Variants in SLC9A2 observed in about 807,000 individuals in gnomAD.
SLC9A2 encodes solute carrier family 9 member A2.
A neutral mutation model predicts 71.7 loss-of-function variants in SLC9A2; 42 were observed. That is an observed-to-expected ratio of 0.59 (90% CI 0.46 to 0.76). The LOEUF is 0.76. Ranked by LOEUF, SLC9A2 falls within the 30% of genes least tolerant of loss-of-function variation. The pLI is 0.00. For synonymous variants in SLC9A2, 396 were observed against 392.5 expected (o/e 1.01, Z -0.10); for missense variants, 829 against 1,017.4 (o/e 0.81, Z 2.52).
At chr2:102,625,326 T>A (rs558605489) in intron 1 of SLC9A2, among the ~76,000 whole-genome samples, 15 of 152,214 alleles carry the variant, frequency 9.9e-5, no homozygotes, top group Non-Finnish European at 1.9e-4. Flanking sequence ...ATTTTTTAAA[T>A]TTTTTAAAAT....
At chr2:102,704,292 C>T (rs1677929047) in intron 9 of SLC9A2, among the ~76,000 whole-genome samples, 1 of 151,926 alleles carries the variant, frequency 6.6e-6, no homozygotes, top group Non-Finnish European at 1.5e-5. Context: ...GCCTGAGTGA[C>T]AGATCAAGAC....
intron 5 of SLC9A2, among the ~76,000 whole-genome samples, chr2:102,692,514 G>A (rs754090923): frequency 2.0e-5 from 3 of 152,116 alleles, no homozygotes; most frequent in Non-Finnish European, 4.4e-5. Flanking sequence ...CTGCAGGCCA[G>A]GAAGTAGTGG....
intron 5 of SLC9A2, among the ~76,000 whole-genome samples, chr2:102,691,726 A>G (rs1677666899): frequency 6.6e-6 from 1 of 152,256 alleles, no homozygotes; most frequent in South Asian, 2.1e-4. Context: ...TTATGCTTTC[A>G]AAAACTTGAG....
At chr2:102,664,027 G>T (rs907871266) in intron 2 of SLC9A2, among the ~76,000 whole-genome samples, 3 of 152,218 alleles carry the variant, frequency 2.0e-5, no homozygotes, top group Admixed American at 2.0e-4. Flanking sequence ...TGTAATCCTA[G>T]CATTTTGGGA....
At chr2:102,627,611 T>C (rs1281278834) in intron 1 of SLC9A2, among the ~76,000 whole-genome samples, 2 of 152,174 alleles carry the variant, frequency 1.3e-5, no homozygotes, top group Non-Finnish European at 2.9e-5. Flanking sequence ...AATATTGTTA[T>C]GTTTTTCTTT....
chr2:102,705,806 A>C, intron 10 of SLC9A2, 40 bp from the exon 11 acceptor site: 1 of 1,229,358 alleles, frequency 8.1e-7, no homozygotes, highest in Non-Finnish European at 1.2e-6. Context: ...AATAAGTGCC[A>C]TTTGTATAGT....
At chr2:102,661,300 C>T (rs1286226241) in intron 2 of SLC9A2, among the ~76,000 whole-genome samples, 1 of 152,076 alleles carries the variant, frequency 6.6e-6, no homozygotes, top group African/African-American at 2.4e-5. Context: ...CATAACCGGG[C>T]TTGGTTAAGG....
chr2:102,685,126 GC>G (rs1296137528), intron 5 of SLC9A2, among the ~76,000 whole-genome samples: 2 of 152,232 alleles, frequency 1.3e-5, no homozygotes, highest in African/African-American at 4.8e-5. Context: ...AAAGGGAACA[GC>G]GAGAAAAATG....
intron 1 of SLC9A2, among the ~76,000 whole-genome samples, chr2:102,643,060 A>G (rs1273020300): frequency 6.6e-6 from 1 of 152,058 alleles, no homozygotes; most frequent in South Asian, 2.1e-4. Flanking sequence ...AGTGATTTCT[A>G]CAGGGTCTGT....
rs1328770985 is a variant in SLC9A2, at chr2:102,620,040, G to A, written c.192G>A (p.Glu64=). The change falls in exon 1 of 12, where the codon GAG becomes GAA. Residue 64 remains glutamate, a synonymous_variant. Transcript: ENST00000233969. ...SVVAPGTTLF[E]ESRLPVFTLD... Reference sequence around the variant, plus strand: ...TGGCTCCCGGAACGACGCTGTTCGAGGAGAGCCGGCTGCCTGTGTTTACGC... The same window carrying A: ...TGGCTCCCGGAACGACGCTGTTCGAAGAGAGCCGGCTGCCTGTGTTTACGC... 2 of 1,614,116 alleles carry A rather than the reference G, an allele frequency of 1.2e-6. No individual in the cohort carries two copies. Among genetic ancestry groups the A allele is most frequent in the Non-Finnish European group, 1.7e-6 (2 of 1,180,014 alleles).
At chr2:102,677,752 G>T (rs1677369114) in intron 3 of SLC9A2, among the ~76,000 whole-genome samples, 1 of 152,116 alleles carries the variant, frequency 6.6e-6, no homozygotes. Flanking sequence ...CAGTTTGGTT[G>T]GGGAGATAGA....
At chr2:102,630,479 A>C (rs1183860202) in intron 1 of SLC9A2, among the ~76,000 whole-genome samples, 1 of 151,868 alleles carries the variant, frequency 6.6e-6, no homozygotes, top group Non-Finnish European at 1.5e-5. Flanking sequence ...GGTTTTATTT[A>C]AGTTTTTTAA....
chr2:102,684,043 C>A, intron 4 of SLC9A2, 91 bp from the exon 5 acceptor site: 1 of 909,006 alleles, frequency 1.1e-6, no homozygotes, highest in Non-Finnish European at 1.8e-6. Context: ...AATCCTTTGT[C>A]CCCATCGCAG....
intron 5 of SLC9A2, among the ~76,000 whole-genome samples, chr2:102,691,373 A>G (rs1677658753): frequency 6.6e-6 from 1 of 152,190 alleles, no homozygotes; most frequent in Admixed American, 6.5e-5. Context: ...GATCTAAATT[A>G]GAAATTTTCT....
intron 1 of SLC9A2, among the ~76,000 whole-genome samples, chr2:102,648,324 G>T (rs1379279915): frequency 6.6e-6 from 1 of 152,074 alleles, no homozygotes; most frequent in Non-Finnish European, 1.5e-5. Context: ...AATAAACGAG[G>T]TATTGATGGA....
Position 102,619,746 on chromosome 2 carries a change from C to T in SLC9A2, c.-103C>T, listed in dbSNP as rs1281454529. 2 of 1,118,946 alleles carry T rather than the reference C, an allele frequency of 1.8e-6. No homozygotes were observed. The highest frequency in any genetic ancestry group is 3.0e-5 in the East Asian group (1 of 33,082). The allele number at this position is 1,118,946 out of a possible 1,614,324, so 69.3% of individuals were successfully genotyped here. On this transcript the variant is annotated 5_prime_UTR_variant, in exon 1 of 12. Coordinates refer to ENST00000233969, the MANE Select transcript of SLC9A2 (RefSeq NM_003048.6). This position sits in a 1 kb window ranked among gnomAD's most constrained non-coding sequence, Gnocchi z 4.3. ...GCGGCGGGTGGCTGTCGCTGCCCTG[C>T]CCTGCACGGGGCAGGGCGGAGCGGG...
chr2:102,655,210 C>CTTTTTTTTT (rs58932567), intron 1 of SLC9A2, among the ~76,000 whole-genome samples: 2 of 138,294 alleles, frequency 1.4e-5, no homozygotes. Context: ...TACCCTTATT[C>CTTTTTTTTT]TTTTTTTTTT....
Position 102,661,690 on chromosome 2 carries a change from G to C in SLC9A2, c.754-3410G>C, listed in dbSNP as rs1038492642. Among the ~76,000 whole-genome samples, 2 of 152,192 alleles carry C rather than the reference G, an allele frequency of 1.3e-5. 1 individual carries two copies. The highest frequency in any genetic ancestry group is 1.3e-4 in the Admixed American group (2 of 15,278). ...TGCAATTTAAAAATATCATTAAGCAGTATAGCTTTGATTATTTGAAAGATT... is the reference window on the plus strand; with the variant it reads ...TGCAATTTAAAAATATCATTAAGCACTATAGCTTTGATTATTTGAAAGATT... On this transcript the variant is annotated intron_variant, in intron 2 of 11. Transcript: ENST00000233969.
At chr2:102,659,817 T>C (rs527894479) in intron 2 of SLC9A2, among the ~76,000 whole-genome samples, 18 of 152,324 alleles carry the variant, frequency 1.2e-4, no homozygotes, top group Non-Finnish European at 2.5e-4. Context: ...TTCTGACTTA[T>C]GCTCGATACG....
Sources: allele counts gnomAD v4.1 joint callset (sites outside exome capture counted in the v4.1 genomes callset), GRCh38; gene constraint gnomAD v4.1.1; non-coding constraint Gnocchi (gnomAD v3.1); transcripts MANE v1.5; gene names NCBI Gene and HGNC (gene_info 2026-07-23, HGNC 2026-07-21).